FMN2: variants seen among roughly 807,000 people sequenced by gnomAD.
FMN2 encodes the protein formin 2.
A neutral mutation model predicts 142.3 loss-of-function variants in FMN2; 51 were observed. The ratio of observed to expected loss-of-function variants is 0.36; its 90% CI spans 0.29 to 0.45. The LOEUF (loss-of-function observed/expected upper bound fraction) is 0.45, where lower values mean the gene tolerates loss of function less well. Ranked by LOEUF, FMN2 falls within the 20% of genes least tolerant of loss-of-function variation. The probability of loss-of-function intolerance (pLI) is 1.00; values close to 1 mark genes in which losing one functional copy is unlikely to be tolerated. For missense variants in FMN2, 1,936 were observed against 2,122.8 expected, an observed-to-expected ratio of 0.91 and a Z score of 1.73; for synonymous variants, 882 against 869.8, an observed-to-expected ratio of 1.01 and a Z score of -0.25.
intron 13 of FMN2, among the ~76,000 whole-genome samples, chr1:240,337,596 A>T (rs1359700586): frequency 6.6e-6 from 1 of 152,240 alleles, no homozygotes; most frequent in Non-Finnish European, 1.5e-5. Flanking sequence ...TACCTTTCAT[A>T]CAATAAATAT....
At chr1:240,334,081 A>T in intron 12 of FMN2, 28 bp from the exon 13 acceptor site, 1 of 1,576,840 alleles carries the variant, frequency 6.3e-7, no homozygotes, top group Non-Finnish European at 8.6e-7. Context: ...CAATTTCTTT[A>T]AATATGATGG....
chr1:240,181,497 T>C (rs1468835849), intron 3 of FMN2, among the ~76,000 whole-genome samples: 1 of 152,186 alleles, frequency 6.6e-6, no homozygotes, highest in Non-Finnish European at 1.5e-5. Context: ...AACTGACCCT[T>C]CTTTGTATGA....
At position 240,329,071 on chromosome 1, in the gene FMN2, T is replaced by C; in HGVS notation, c.4216-5T>C. 1 of 1,613,286 alleles carries C rather than the reference T, an allele frequency of 6.2e-7. No homozygotes were observed. The highest frequency in any genetic ancestry group is 8.5e-7 in the Non-Finnish European group (1 of 1,179,762). On this transcript the variant is annotated splice_region_variant and splice_polypyrimidine_tract_variant and intron_variant, in intron 8 of 17. Transcript: ENST00000319653. ...TGAAAAACTATTTGGTTTTTGTTTT[T>C]CTAGAGAGCACAGTCAGACGAACTC...
chr1:240,301,505 T>G (rs973048338), intron 8 of FMN2, among the ~76,000 whole-genome samples: 2 of 151,996 alleles, frequency 1.3e-5, no homozygotes, highest in Admixed American at 1.3e-4. Context: ...TCGTTTTTCT[T>G]TAGCCTAAGG....
chr1:240,174,091 A>G (rs566134078), intron 2 of FMN2, among the ~76,000 whole-genome samples: 2 of 152,304 alleles, frequency 1.3e-5, no homozygotes, highest in African/African-American at 4.8e-5. Context: ...TGGTAGGCCA[A>G]GCATTTTTCT....
intron 7 of FMN2, among the ~76,000 whole-genome samples, chr1:240,289,104 A>G (rs1669688791): frequency 6.6e-6 from 1 of 152,182 alleles, no homozygotes; most frequent in South Asian, 2.1e-4. Flanking sequence ...ACTTGGTAAT[A>G]AACACTGTGA....
intron 15 of FMN2, among the ~76,000 whole-genome samples, chr1:240,396,139 G>A (rs1673762536): frequency 6.6e-6 from 1 of 152,246 alleles, no homozygotes. Flanking sequence ...TATGCATTTT[G>A]TTTTTCAGAT....
At chr1:240,184,374 C>T (rs1193588163) in intron 3 of FMN2, among the ~76,000 whole-genome samples, 3 of 150,350 alleles carry the variant, frequency 2.0e-5, no homozygotes, top group Admixed American at 6.7e-5. Flanking sequence ...GTAGCTGGGA[C>T]TGCAGGTGCC....
intron 2 of FMN2, among the ~76,000 whole-genome samples, chr1:240,146,184 C>G (rs1421498698): frequency 4.1e-5 from 6 of 147,140 alleles, no homozygotes. Flanking sequence ...GAGATCGAGA[C>G]CATCCTGGCT....
chr1:240,423,477 G>T (rs1361570748), intron 15 of FMN2, among the ~76,000 whole-genome samples: 3 of 152,122 alleles, frequency 2.0e-5, no homozygotes, highest in African/African-American at 7.2e-5. Flanking sequence ...TGCTCTCTTG[G>T]CCTCGTCTGT....
At chr1:240,187,973 G>A (rs1256772799) in intron 3 of FMN2, among the ~76,000 whole-genome samples, 1 of 152,076 alleles carries the variant, frequency 6.6e-6, no homozygotes, top group Admixed American at 6.5e-5. Flanking sequence ...ATATAGAGAA[G>A]GGCATAGGAA....
chr1:240,185,075 T>C (rs1242847313), intron 3 of FMN2, among the ~76,000 whole-genome samples: 14 of 145,452 alleles, frequency 9.6e-5, no homozygotes, highest in African/African-American at 3.8e-4. Context: ...CTTCTCTTTC[T>C]CCCTCCTATA....
intron 6 of FMN2, among the ~76,000 whole-genome samples, chr1:240,219,922 G>C (rs1264169886): frequency 6.6e-6 from 1 of 152,176 alleles, no homozygotes; most frequent in African/African-American, 2.4e-5. Flanking sequence ...GCTTCCCAAA[G>C]TGCTGGGATT....
intron 5 of FMN2, among the ~76,000 whole-genome samples, chr1:240,210,163 C>G (rs1572068885): frequency 1.3e-5 from 2 of 152,130 alleles, no homozygotes; most frequent in Non-Finnish European, 1.5e-5. Flanking sequence ...GTACTTTATA[C>G]ATTTATGTGT....
intron 14 of FMN2, among the ~76,000 whole-genome samples, chr1:240,365,655 ATTC>A (rs549321581): frequency 4.7e-4 from 71 of 152,282 alleles, no homozygotes; most frequent in East Asian, 4.1e-3. Flanking sequence ...ATATGGAACT[ATTC>A]TTCTATGGGG....
intron 2 of FMN2, among the ~76,000 whole-genome samples, chr1:240,155,737 A>G (rs1262522712): frequency 6.6e-6 from 1 of 152,066 alleles, no homozygotes; most frequent in East Asian, 1.9e-4. Flanking sequence ...AGTTTTGCAG[A>G]TTAGATGGGC....
rs869026471 is a variant in FMN2, at chr1:240,290,780, G to GTTTTTTTT, written c.4154-4037_4154-4030dup. 5.8e-4 allele frequency among the ~76,000 whole-genome samples: 58 copies of GTTTTTTTT among 100,208 alleles called. 6 individuals are homozygous for GTTTTTTTT. Among genetic ancestry groups the GTTTTTTTT allele is most frequent in the African/African-American group, 8.2e-4 (18 of 21,824 alleles). The allele number at this position is 100,208 out of a possible 152,430, so 65.7% of individuals were successfully genotyped here. A position where few individuals can be genotyped will look rare whatever the true frequency, so the allele number is the denominator to read the frequency against. The stretch of plus-strand genomic sequence containing the variant: ...GTCTGGAGTGATGTCTGTTTGTTTG[G>GTTTTTTTT]TTTTTTTTTTTTGTTTTTTTTTTTT... On this transcript the variant is annotated intron_variant, in intron 7 of 17. Coordinates refer to ENST00000319653, the MANE Select transcript of FMN2 (RefSeq NM_020066.5).
rs1183834920 is a variant in FMN2 at position 240,341,571 on chromosome 1, T to C, written c.4765+7342T>C. 6 of 152,358 alleles carry C rather than the reference T, an allele frequency of 3.9e-5. No individual in the cohort carries two copies. The South Asian group carries it at 1.2e-3, about 32-fold the overall frequency. The allele number at this position is 152,358 out of a possible 1,614,324, so 9.4% of individuals were successfully genotyped here. A position where few individuals can be genotyped will look rare whatever the true frequency, so the allele number is the denominator to read the frequency against. On this transcript the variant is annotated intron_variant, in intron 13 of 17. Coordinates refer to ENST00000319653, the MANE Select transcript of FMN2 (RefSeq NM_020066.5). ...TGGAACACAGCCACGCCCAATCATA[T>C]ACACATTAGCTATGACTGTGTTTGT...
intron 4 of FMN2, among the ~76,000 whole-genome samples, chr1:240,195,971 G>A (rs909083109): frequency 6.6e-6 from 1 of 152,176 alleles, no homozygotes; most frequent in Non-Finnish European, 1.5e-5. Flanking sequence ...TTGTGCCACT[G>A]CACTCCAGCT....
Sources: gnomAD v4.1 joint callset for allele counts (sites outside exome capture counted in the v4.1 genomes callset) on GRCh38, gnomAD v4.1.1 for gene constraint, MANE v1.5 for transcripts, NCBI Gene and HGNC (gene_info 2026-07-23, HGNC 2026-07-21) for gene names.